The following PTPRD variants were observed in gnomAD, a reference collection of about 807,000 sequenced individuals.
The protein encoded by PTPRD is protein tyrosine phosphatase receptor type D.
Under a neutral mutation model 214.5 loss-of-function variants are expected in PTPRD, and 34 were observed. That is an observed-to-expected ratio of 0.16 (90% CI 0.12 to 0.21). The LOEUF is 0.21. PTPRD is among the 10% of genes least tolerant of loss of function. The pLI, the probability that PTPRD is intolerant of heterozygous loss-of-function variation, is 1.00. For missense variants in PTPRD, 2,545 were observed against 2,398.7 expected, an observed-to-expected ratio of 1.06 and a Z score of -1.27; for synonymous variants, 1,128 against 845.7, an observed-to-expected ratio of 1.33 and a Z score of -5.79.
At chr9:9,708,136 T>C (rs1259138557) in intron 7 of PTPRD, among the ~76,000 whole-genome samples, 2 of 152,106 alleles carry the variant, frequency 1.3e-5, no homozygotes, top group Non-Finnish European at 2.9e-5. Context: ...AGTTCTATAG[T>C]TCTGCCTACG....
chr9:9,951,222 A>G (rs2093426129), intron 4 of PTPRD, among the ~76,000 whole-genome samples: 1 of 152,148 alleles, frequency 6.6e-6, no homozygotes, highest in African/African-American at 2.4e-5. Context: ...GAGGGAAAAA[A>G]AAGTGATAAG....
rs151116402 is a variant in PTPRD at position 9,302,463 on chromosome 9, T to C, written c.-203+94986A>G. ...TGGATGAGATGTACAGGACAAAGTTTATGCATTTTAGGTTGCAGATAAGGC... is the reference window on the plus strand; with the variant it reads ...TGGATGAGATGTACAGGACAAAGTTCATGCATTTTAGGTTGCAGATAAGGC... On this transcript the variant is annotated intron_variant, in intron 9 of 45. Transcript: ENST00000381196. Among the ~76,000 whole-genome samples, 210 of 121,196 alleles carry C rather than the reference T, an allele frequency of 1.7e-3. 1 individual carries two copies. The highest frequency in any genetic ancestry group is 6.0e-3 in the African/African-American group (183 of 30,286). 79.5% of individuals were successfully genotyped at this position (121,196 alleles called of 152,430 possible).
At chr9:10,323,396 A>T (rs1367652530) in intron 3 of PTPRD, among the ~76,000 whole-genome samples, 3 of 149,710 alleles carry the variant, frequency 2.0e-5, no homozygotes, top group Non-Finnish European at 3.0e-5. Context: ...CTGGGCTCTA[A>T]CAATTCTCCC....
chr9:9,003,263 T>G lies in PTPRD; in HGVS notation c.-104+15434A>C, dbSNP rs2099430701. Among the ~76,000 whole-genome samples, 4 of 152,118 alleles carry G rather than the reference T, an allele frequency of 2.6e-5. No homozygotes were observed. The South Asian group carries it at 8.3e-4, about 32-fold the overall frequency. On this transcript the variant is annotated intron_variant, in intron 11 of 45. Coordinates refer to ENST00000381196, the MANE Select transcript of PTPRD (RefSeq NM_002839.4). ...TTCTGGATTCTGGTTCCTTCAGTTT[T>G]TCCTCTATTGTTCTATGAGCAACTA... is the stretch of plus-strand genomic sequence containing the variant.
intron 11 of PTPRD, among the ~76,000 whole-genome samples, chr9:8,910,745 A>T (rs2098741288): frequency 6.6e-6 from 1 of 152,252 alleles, no homozygotes; most frequent in African/African-American, 2.4e-5. Context: ...AGAACTAGAA[A>T]ACAAATTTAT....
At chr9:10,203,979 T>C (rs1267798101) in intron 3 of PTPRD, among the ~76,000 whole-genome samples, 1 of 152,180 alleles carries the variant, frequency 6.6e-6, no homozygotes, top group Non-Finnish European at 1.5e-5. Context: ...GATGGCAGAA[T>C]CTGTGAATCA....
chr9:8,733,282 G>A (rs889783496), intron 12 of PTPRD, among the ~76,000 whole-genome samples: 2 of 151,990 alleles, frequency 1.3e-5, no homozygotes, highest in East Asian at 3.9e-4. Context: ...TTTCAATACT[G>A]TACTCGACGA....
At chr9:10,130,262 G>C (rs142362109) in intron 3 of PTPRD, among the ~76,000 whole-genome samples, 1 of 150,094 alleles carries the variant, frequency 6.7e-6, no homozygotes. Flanking sequence ...ATACAAATAC[G>C]TGAGCTTCCT....
At chr9:9,509,296 G>C (rs1200031182) in intron 8 of PTPRD, among the ~76,000 whole-genome samples, 3 of 151,130 alleles carry the variant, frequency 2.0e-5, no homozygotes, top group African/African-American at 7.3e-5. Flanking sequence ...TGATGTTTAT[G>C]GTTTCTTTTG....
intron 3 of PTPRD, among the ~76,000 whole-genome samples, chr9:10,194,104 A>G (rs1004782233): frequency 1.3e-5 from 2 of 152,042 alleles, no homozygotes; most frequent in African/African-American, 4.8e-5. Flanking sequence ...CCAAAATACA[A>G]TTTTGGAGGA....
At chr9:10,576,108 C>A (rs1253506370) in intron 2 of PTPRD, among the ~76,000 whole-genome samples, 1 of 152,172 alleles carries the variant, frequency 6.6e-6, no homozygotes, top group Non-Finnish European at 1.5e-5. Context: ...GATTCCATTT[C>A]TTCCCTTGCC....
At chr9:10,397,458 G>C (rs1587199659) in intron 2 of PTPRD, among the ~76,000 whole-genome samples, 1 of 151,934 alleles carries the variant, frequency 6.6e-6, no homozygotes, top group Non-Finnish European at 1.5e-5. Context: ...TGTTTTTGGA[G>C]AGGGAACAAG....
chr9:9,977,165 C>A (rs1019055096), intron 4 of PTPRD, among the ~76,000 whole-genome samples: 1 of 152,140 alleles, frequency 6.6e-6, no homozygotes, highest in East Asian at 1.9e-4. Flanking sequence ...TTGGTGATGT[C>A]AGCTCAGGAC....
At chr9:9,438,189 T>A (rs2144078403) in intron 8 of PTPRD, among the ~76,000 whole-genome samples, 1 of 152,270 alleles carries the variant, frequency 6.6e-6, no homozygotes, top group Admixed American at 6.5e-5. Context: ...ATCTTTAGCA[T>A]CATATTATGA....
intron 3 of PTPRD, among the ~76,000 whole-genome samples, chr9:10,201,339 G>A (rs294817): frequency 0.15 from 22,516 of 151,842 alleles, 1,983 homozygotes; most frequent in East Asian, 0.39. Flanking sequence ...ATGATAAAAA[G>A]GTGGTTTTCA....
chr9:8,907,531 A>ATATATATATAT (rs1303243388), intron 11 of PTPRD, among the ~76,000 whole-genome samples: 1 of 127,042 alleles, frequency 7.9e-6, no homozygotes, highest in East Asian at 2.3e-4. Context: ...AAAAAAAAAA[A>ATATATATATAT]AAATATATAT....
chr9:10,566,650 C>T (rs1008323029), intron 2 of PTPRD, among the ~76,000 whole-genome samples: 6 of 151,986 alleles, frequency 3.9e-5, no homozygotes, highest in African/African-American at 1.4e-4. Flanking sequence ...TTTTCACTCT[C>T]ATTATGGTAT....
At chr9:10,408,394 A>C (rs895512009) in intron 2 of PTPRD, among the ~76,000 whole-genome samples, 1 of 151,572 alleles carries the variant, frequency 6.6e-6, no homozygotes, top group African/African-American at 2.4e-5. Flanking sequence ...CAAAGAGCTG[A>C]CGGTCTGTAA....
At chr9:9,069,970 G>C (rs948271811) in intron 10 of PTPRD, among the ~76,000 whole-genome samples, 1 of 152,178 alleles carries the variant, frequency 6.6e-6, no homozygotes, top group Non-Finnish European at 1.5e-5. Context: ...TTTCTCCTAG[G>C]TGTCTGTGAG....
Sources: gnomAD v4.1 joint callset for allele counts (sites outside exome capture counted in the v4.1 genomes callset) on GRCh38, gnomAD v4.1.1 for gene constraint, MANE v1.5 for transcripts, NCBI Gene and HGNC (gene_info 2026-07-23, HGNC 2026-07-21) for gene names.